The following CACNA1B variants were observed in gnomAD, a reference collection of about 807,000 sequenced individuals.
CACNA1B encodes calcium voltage-gated channel subunit alpha1 B.
In CACNA1B, 70 loss-of-function variants were observed where a neutral mutation model predicts 247.2. That is an observed-to-expected ratio of 0.28 (90% CI 0.23 to 0.35). The LOEUF (loss-of-function observed/expected upper bound fraction) is 0.35, where lower values mean the gene tolerates loss of function less well. Ranked by LOEUF, CACNA1B falls within the 10% of genes least tolerant of loss-of-function variation. The pLI is 1.00. For synonymous variants in CACNA1B, 1,231 were observed against 1,294.4 expected, an observed-to-expected ratio of 0.95 and a Z score of 1.05; for missense variants, 2,367 against 3,197.4, an observed-to-expected ratio of 0.74 and a Z score of 6.26.
At chr9:138,076,026 C>A in intron 35 of CACNA1B, 116 bp downstream of exon 35, 1 of 691,054 alleles carries the variant, frequency 1.4e-6, no homozygotes. Flanking sequence ...ATTCCCCGAC[C>A]CCACTGGCTT....
chr9:138,024,068 C>G (rs1173705919), intron 19 of CACNA1B, among the ~76,000 whole-genome samples: 1 of 152,206 alleles, frequency 6.6e-6, no homozygotes, highest in Non-Finnish European at 1.5e-5. Flanking sequence ...GTTTGTGCTC[C>G]GTGAATGCCA....
At chr9:137,991,455 T>C (rs2133388976) in intron 15 of CACNA1B, among the ~76,000 whole-genome samples, 1 of 152,336 alleles carries the variant, frequency 6.6e-6, no homozygotes, top group South Asian at 2.1e-4. Flanking sequence ...ATAATTGGTG[T>C]TCCTGAGGAA....
chr9:137,920,394 G>T (rs141741530), intron 6 of CACNA1B, among the ~76,000 whole-genome samples: 2 of 151,972 alleles, frequency 1.3e-5, no homozygotes, highest in Non-Finnish European at 2.9e-5. Flanking sequence ...ACAGGGTTTC[G>T]CCATGTTGGC....
At chr9:138,016,681 C>G (rs973096206) in intron 18 of CACNA1B, among the ~76,000 whole-genome samples, 29 of 151,942 alleles carry the variant, frequency 1.9e-4, no homozygotes, top group African/African-American at 6.8e-4. Flanking sequence ...CCTCCCGCCG[C>G]AGGGTGCGGG....
At position 137,986,986 on chromosome 9, in the gene CACNA1B, G is replaced by C. The variant is rs1390165816; in HGVS notation, c.1974+132G>C. ...CCAGATCACTGACTTTTCAGACACA[G>C]TGTTCCTCAAACGAGGGAAGCACAG... On this transcript the variant is annotated intron_variant, in intron 15 of 46. Coordinates refer to ENST00000371372, the MANE Select transcript of CACNA1B (RefSeq NM_000718.4). This position sits in a 1 kb window ranked among gnomAD's most constrained non-coding sequence, Gnocchi z 6.0. The C allele has an allele frequency of 2.5e-6, 2 of 792,192 alleles. No individual in the cohort carries two copies. The highest frequency in any genetic ancestry group is 1.8e-5 in the Admixed American group (1 of 56,320). The allele number at this position is 792,192 out of a possible 1,614,324, so 49.1% of individuals were successfully genotyped here.
intron 6 of CACNA1B, among the ~76,000 whole-genome samples, chr9:137,936,074 G>T (rs529457610): frequency 6.6e-6 from 1 of 152,312 alleles, no homozygotes; most frequent in East Asian, 1.9e-4. Flanking sequence ...AGCCAGGATG[G>T]TCTTGATCTC....
chr9:138,120,757 C>G lies in CACNA1B; in HGVS notation c.6365C>G (p.Ser2122Trp). Residue 2122 changes from serine to tryptophan, a missense_variant, in exon 46 of 47, where the codon TCG becomes TGG. Ser to Trp is a radical substitution (Grantham distance 177). Transcript: ENST00000371372. Reference sequence around the variant, plus strand: ...CGGAGGCAGCCCTCATCCTCCTCCTCGGAGAAGCAGCGCTTCTACTCCTGC... The same window carrying G: ...CGGAGGCAGCCCTCATCCTCCTCCTGGGAGAAGCAGCGCTTCTACTCCTGC... ...QERRQPSSSS[S>W]EKQRFYSCDR... 6.5e-7 allele frequency: 1 copy of G among 1,549,398 alleles called. No individual in the cohort carries two copies. Among genetic ancestry groups the G allele is most frequent in the South Asian group, 1.2e-5 (1 of 83,850 alleles).
At position 137,952,199 on chromosome 9, in the gene CACNA1B, G is replaced by C; in HGVS notation, c.967-75G>C. The C allele has an allele frequency of 1.7e-6, 2 of 1,180,848 alleles. No individual in the cohort carries two copies. The highest frequency in any genetic ancestry group is 4.7e-5 in the East Asian group (2 of 42,264). The allele number at this position is 1,180,848 out of a possible 1,614,324, so 73.1% of individuals were successfully genotyped here. A position where few individuals can be genotyped will look rare whatever the true frequency, so the allele number is the denominator to read the frequency against. ...GTGCTTCTGAGAAGGAGGCCTGTTG[G>C]GGGCTGGGGGTGCTCCTGTGGCCGG... On this transcript the variant is annotated intron_variant, in intron 6 of 46. Coordinates refer to ENST00000371372, the MANE Select transcript of CACNA1B (RefSeq NM_000718.4). The surrounding 1 kb of genome is among the most constrained non-coding windows in gnomAD (Gnocchi z 4.8).
intron 15 of CACNA1B, among the ~76,000 whole-genome samples, chr9:137,989,654 T>C (rs1301269749): frequency 1.3e-5 from 2 of 152,100 alleles, no homozygotes; most frequent in Admixed American, 6.5e-5. Context: ...ACGGAAACAC[T>C]GGGGTACAAT....
intron 12 of CACNA1B, among the ~76,000 whole-genome samples, chr9:137,978,152 C>G (rs969099513): frequency 7.3e-6 from 1 of 136,904 alleles, no homozygotes; most frequent in Non-Finnish European, 1.6e-5. Flanking sequence ...GGTGGGAGCA[C>G]TACTTCCCCC....
chr9:137,959,736 T>G (rs946603116), intron 10 of CACNA1B, among the ~76,000 whole-genome samples: 16 of 152,192 alleles, frequency 1.1e-4, no homozygotes, highest in Non-Finnish European at 2.9e-5. Context: ...TTGTGCCTCA[T>G]TCAGCAGATG....
Position 137,971,379 on chromosome 9 carries a change from TC to T in CACNA1B, c.1334-3del. On this transcript the variant is annotated splice_polypyrimidine_tract_variant and splice_region_variant and intron_variant, in intron 10 of 46. Transcript: ENST00000371372. The surrounding 1 kb of genome is among the most constrained non-coding windows in gnomAD (Gnocchi z 4.4). ...ACATCCTCAGTAACTCCCCATCCCC[TC>T]AGGATCCCCCTTCGCCCGCGCCAGC... is the stretch of plus-strand genomic sequence containing the variant. 6.2e-7 allele frequency: 1 copy of T among 1,605,744 alleles called. No homozygotes were observed. Among genetic ancestry groups the T allele is most frequent in the Non-Finnish European group, 8.5e-7 (1 of 1,175,952 alleles).
chr9:138,055,176 G>A (rs1959449871), intron 26 of CACNA1B, among the ~76,000 whole-genome samples: 1 of 150,938 alleles, frequency 6.6e-6, no homozygotes, highest in South Asian at 2.1e-4. Context: ...GCCCAGGCTG[G>A]AGTGCAGTGC....
rs1958877040 is a variant in CACNA1B, at chr9:138,023,495, C to T, written c.2752C>T (p.His918Tyr). 6 of 1,086,724 alleles carry T rather than the reference C, an allele frequency of 5.5e-6. No individual in the cohort carries two copies. The highest frequency in any genetic ancestry group is 1.7e-5 in the African/African-American group (1 of 59,138). The allele number at this position is 1,086,724 out of a possible 1,614,324, so 67.3% of individuals were successfully genotyped here. The stretch of plus-strand genomic sequence containing the variant: ...CCCAGGCCCCGAGGGCGGCCGGCGG[C>T]ACCACCGGCGCGGCTCCCCGGAGGA... ...RGPGPEGGRR[H>Y]HRRGSPEEAA... Residue 918 changes from histidine to tyrosine, a missense_variant, in exon 19 of 47, where the codon CAC becomes TAC. Physicochemically the swap from His to Tyr is moderately conservative, Grantham distance 83 (BLOSUM62 2). Around this residue, in one of 12 missense-constraint regions of CACNA1B, gnomAD observed 631 missense variants for 631.1 expected, o/e 1.00. Coordinates refer to ENST00000371372, the MANE Select transcript of CACNA1B (RefSeq NM_000718.4).
In CACNA1B at chr9:138,058,335, CTGGGT is replaced by C; in HGVS notation, c.4308+86_4308+90del. 4.0e-6 allele frequency: 5 copies of C among 1,239,034 alleles called. No homozygotes were observed. The South Asian group carries it at 6.3e-5, about 16-fold the overall frequency. The allele number at this position is 1,239,034 out of a possible 1,614,324, so 76.8% of individuals were successfully genotyped here. A position where few individuals can be genotyped will look rare whatever the true frequency, so the allele number is the denominator to read the frequency against. On this transcript the variant is annotated intron_variant, in intron 28 of 46. Transcript: ENST00000371372. The surrounding 1 kb of genome is among the most constrained non-coding windows in gnomAD (Gnocchi z 4.7). ...CCTCCTGCACACAAATCACTCACAG[CTGGGT>C]CAGCTTTGGCTGCCACCGTCTGCCA...
chr9:138,013,912 C>G (rs1419253991), intron 18 of CACNA1B, among the ~76,000 whole-genome samples: 3 of 152,228 alleles, frequency 2.0e-5, no homozygotes, highest in Admixed American at 6.5e-5. Context: ...GATGCCCTTA[C>G]TGGGAGCTTG....
In CACNA1B at chr9:138,123,203, G is replaced by C. The variant is rs200582916; in HGVS notation, c.*1204G>C. 1 of 152,344 alleles carries C rather than the reference G, an allele frequency of 6.6e-6. No homozygotes were observed. The highest frequency in any genetic ancestry group is 2.4e-5 in the African/African-American group (1 of 41,474). The allele number at this position is 152,344 out of a possible 1,614,324, so 9.4% of individuals were successfully genotyped here. On this transcript the variant is annotated 3_prime_UTR_variant, in exon 47 of 47. Transcript: ENST00000371372. ...TGGCTGGGGGCTTGGATGTGGGGCCGTCAGGGCAGGAGGGAGGAAGCCCCA... is the reference window on the plus strand; with the variant it reads ...TGGCTGGGGGCTTGGATGTGGGGCCCTCAGGGCAGGAGGGAGGAAGCCCCA...
intron 3 of CACNA1B, among the ~76,000 whole-genome samples, chr9:137,895,951 T>C (rs866023543): frequency 6.6e-6 from 1 of 152,160 alleles, no homozygotes; most frequent in Non-Finnish European, 1.5e-5. Flanking sequence ...TTAAGAATAA[T>C]GTTAGTGGCT....
intron 18 of CACNA1B, among the ~76,000 whole-genome samples, chr9:138,016,734 A>C (rs558100947): frequency 6.6e-6 from 1 of 152,076 alleles, no homozygotes; most frequent in African/African-American, 2.4e-5. Context: ...CCCCATCTTG[A>C]GGGCCGGGAG....
Sources: allele counts gnomAD v4.1 joint callset (sites outside exome capture counted in the v4.1 genomes callset), GRCh38; gene constraint gnomAD v4.1.1; regional missense constraint gnomAD v4.1.1; non-coding constraint Gnocchi (gnomAD v3.1); transcripts MANE v1.5; gene names NCBI Gene and HGNC (gene_info 2026-07-23, HGNC 2026-07-21).